Variants in RNF10 observed in about 807,000 individuals in gnomAD.
RNF10 encodes the protein E3 ubiquitin-protein ligase RNF10.
RNF10 carries 38 observed loss-of-function variants against 91.4 expected under a neutral mutation model. The ratio of observed to expected loss-of-function variants is 0.42; its 90% CI spans 0.32 to 0.54. The LOEUF (loss-of-function observed/expected upper bound fraction) is 0.54. Among genes scored for constraint, RNF10 ranks in the 20% least tolerant of loss-of-function variants. The pLI is 0.16. For synonymous variants in RNF10, 364 were observed against 366.3 expected, an observed-to-expected ratio of 0.99 and a Z score of 0.07; for missense variants, 945 against 1,012.0, an observed-to-expected ratio of 0.93 and a Z score of 0.90.
intron 13 of RNF10, among the ~76,000 whole-genome samples, chr12:120,568,302 C>G (rs1876085733): frequency 6.6e-6 from 1 of 151,996 alleles, no homozygotes; most frequent in Non-Finnish European, 1.5e-5. Context: ...GTGTTACATT[C>G]TAAGGAATGA....
At position 120,552,708 on chromosome 12, in the gene RNF10, G is replaced by A; in HGVS notation, c.554+10G>A. 1 of 1,612,250 alleles carries A rather than the reference G, an allele frequency of 6.2e-7. No individual in the cohort carries two copies. Among genetic ancestry groups the A allele is most frequent in the Non-Finnish European group, 8.5e-7 (1 of 1,179,048 alleles). On this transcript the variant is annotated intron_variant, in intron 3 of 16. Transcript: ENST00000325954. ...TCTTTTTACAGGCCAAGTGAGTATT[G>A]CTACCCCTCAGAGGAAAGGGAAAGT... is the stretch of plus-strand genomic sequence containing the variant.
chr12:120,546,527 A>C lies in RNF10; in HGVS notation c.280A>C (p.Lys94Gln). 4 of 1,614,238 alleles carry C rather than the reference A, an allele frequency of 2.5e-6. No homozygotes were observed. The highest frequency in any genetic ancestry group is 3.4e-6 in the Non-Finnish European group (4 of 1,180,038). The change falls in exon 2 of 17, where the codon AAG becomes CAG. Residue 94 changes from lysine (K) to glutamine (Q), a missense_variant. Physicochemically the swap from Lys to Gln is moderately conservative, Grantham distance 53. Coordinates refer to ENST00000325954, the MANE Select transcript of RNF10 (RefSeq NM_014868.5). ...TTCACAGAAAAGCAAGACTTTTAAC[A>C]AGATGCCTCCTCAAAGGGGCGGCGG... ...SSSQKSKTFNKMPPQRGGGSS... is the reference protein window; with the variant it reads ...SSSQKSKTFNQMPPQRGGGSS...
In RNF10 at chr12:120,563,558, A is replaced by G. The variant is rs745943960; in HGVS notation, c.1466A>G (p.Gln489Arg). The G allele has an allele frequency of 1.7e-5, 27 of 1,613,852 alleles. No homozygotes were observed. Among genetic ancestry groups the G allele is most frequent in the African/African-American group, 2.7e-5 (2 of 74,916 alleles). The change falls in exon 9 of 17, where the codon CAG becomes CGG. Residue 489 changes from glutamine (Q) to arginine (R), a missense_variant. By Grantham distance (43) the Gln-to-Arg change is conservative. Transcript: ENST00000325954. Reference sequence around the variant, plus strand: ...ACCATTTGCACTGAGTCCAGCCAGCAGGAACCCATCACCAAGTCAGGCTTC... The same window carrying G: ...ACCATTTGCACTGAGTCCAGCCAGCGGGAACCCATCACCAAGTCAGGCTTC... ...EGTICTESSQ[Q>R]EPITKSGFTR...
Position 120,554,716 on chromosome 12 carries a change from A to G in RNF10, c.555-2A>G. The G allele has an allele frequency of 5.6e-6, 9 of 1,612,122 alleles. No homozygotes were observed. Among genetic ancestry groups the G allele is most frequent in the Non-Finnish European group, 7.6e-6 (9 of 1,178,334 alleles). On this transcript the variant is annotated splice_acceptor_variant, in intron 3 of 16. Transcript: ENST00000325954. LOFTEE classifies it high-confidence loss of function. ...GCTTTTTCCTGTCTTTCCTATTTCT[A>G]GCTGCCAATTTGTGGTGTCTGAAGA... is the stretch of plus-strand genomic sequence containing the variant.
intron 13 of RNF10, among the ~76,000 whole-genome samples, chr12:120,568,662 G>A (rs1261482273): frequency 6.6e-6 from 1 of 151,938 alleles, no homozygotes; most frequent in Non-Finnish European, 1.5e-5. Flanking sequence ...TTTTAATAGA[G>A]ACAGGGTCTC....
At chr12:120,542,430 C>T (rs781174798) in intron 1 of RNF10, among the ~76,000 whole-genome samples, 30 of 152,016 alleles carry the variant, frequency 2.0e-4, no homozygotes, top group Admixed American at 2.6e-4. Context: ...TTGAGACAAC[C>T]GGCATGAGCC....
intron 4 of RNF10, among the ~76,000 whole-genome samples, chr12:120,555,664 G>A (rs1163105514): frequency 6.7e-6 from 1 of 149,900 alleles, no homozygotes; most frequent in Non-Finnish European, 1.5e-5. Flanking sequence ...ATTTTTTTTT[G>A]TATTTTTTTT....
intron 3 of RNF10, among the ~76,000 whole-genome samples, chr12:120,553,301 G>A (rs1873439810): frequency 1.3e-5 from 2 of 150,590 alleles, no homozygotes. Context: ...TATTGGCCAG[G>A]CTGGTCTCAA....
At chr12:120,576,028 C>T in intron 16 of RNF10, 78 bp downstream of exon 16, 1 of 1,424,366 alleles carries the variant, frequency 7.0e-7, no homozygotes. Flanking sequence ...GATTCAGTGG[C>T]AGACATCACT....
At position 120,571,207 on chromosome 12, in the gene RNF10, T is replaced by A. The variant is rs754051396; in HGVS notation, c.2058T>A (p.Pro686=). The change falls in exon 14 of 17, where the codon CCT becomes CCA. Residue 686 remains proline (P), a synonymous_variant. Transcript: ENST00000325954. Reference sequence around the variant, plus strand: ...CCCTTTCAGACTTTCTGCTGACCCCTCTGTCACCCACTGCCAGTCAGGGCA... The same window carrying A: ...CCCTTTCAGACTTTCTGCTGACCCCACTGTCACCCACTGCCAGTCAGGGCA... The part of the protein sequence containing the change: ...PGSHADFLLT[P]LSPTASQGSP... 19 of 1,613,740 alleles carry A rather than the reference T, an allele frequency of 1.2e-5. 1 individual carries two copies. In the South Asian group the frequency reaches 2.0e-4, roughly 17 times the overall value.
intron 1 of RNF10, among the ~76,000 whole-genome samples, chr12:120,543,760 A>G (rs865854356): frequency 1.3e-5 from 2 of 152,274 alleles, no homozygotes; most frequent in Middle Eastern, 6.8e-3. Context: ...AGATCATGCC[A>G]CTGCACTCCA....
chr12:120,534,766 C>A lies in RNF10; in HGVS notation c.-46C>A. On this transcript the variant is annotated 5_prime_UTR_variant, in exon 1 of 17. Coordinates refer to ENST00000325954, the MANE Select transcript of RNF10 (RefSeq NM_014868.5). ...GAACGCCATGAGCCTGGGTCCCCGCCGCGCCCGCTCCGCTCCGACTGCCGT... is the reference window on the plus strand; with the variant it reads ...GAACGCCATGAGCCTGGGTCCCCGCAGCGCCCGCTCCGCTCCGACTGCCGT... The A allele has an allele frequency of 2.0e-6, 3 of 1,521,018 alleles. No homozygotes were observed. The highest frequency in any genetic ancestry group is 2.6e-6 in the Non-Finnish European group (3 of 1,141,996). 94.2% of individuals were successfully genotyped at this position (1,521,018 alleles called of 1,614,324 possible).
rs1165769958 is a variant in RNF10, at chr12:120,575,913, G to A, written c.2322G>A (p.Met774Ile). ...SFSQAIEAAF[M>I]KLDTPATSDP... The stretch of plus-strand genomic sequence containing the variant: ...GCCAAGCTATTGAAGCAGCCTTCAT[G>A]AAACTGGACACACCAGCTACTTCAG... Residue 774 changes from methionine to isoleucine, a missense_variant, in exon 16 of 17, where the codon ATG (methionine) becomes ATA (isoleucine). Transcript: ENST00000325954. The A allele has an allele frequency of 3.1e-6, 5 of 1,614,088 alleles. No individual in the cohort carries two copies. Among genetic ancestry groups the A allele is most frequent in the Non-Finnish European group, 4.2e-6 (5 of 1,180,032 alleles).
chr12:120,541,327 C>A (rs1276622132), intron 1 of RNF10, among the ~76,000 whole-genome samples: 2 of 152,122 alleles, frequency 1.3e-5, no homozygotes, highest in Admixed American at 1.3e-4. Context: ...TCTTTATATA[C>A]CTATCCTCGT....
intron 4 of RNF10, among the ~76,000 whole-genome samples, chr12:120,556,629 A>AT (rs1874068451): frequency 7.0e-6 from 1 of 142,026 alleles, no homozygotes; most frequent in South Asian, 2.3e-4. Context: ...CTTAAGTTTT[A>AT]TTAAAAAAAA....
rs1877308204 is a variant in RNF10 at position 120,575,775 on chromosome 12, A to G, written c.2201-17A>G. The G allele has an allele frequency of 6.2e-7, 1 of 1,614,004 alleles. No individual in the cohort carries two copies. Among genetic ancestry groups the G allele is most frequent in the African/African-American group, 1.3e-5 (1 of 74,914 alleles). Reference sequence around the variant, plus strand: ...AAAAAGAGTTGTTTCTATAGTTTTAACACTGGTATTTTTTAGATGAGAACA... The same window carrying G: ...AAAAAGAGTTGTTTCTATAGTTTTAGCACTGGTATTTTTTAGATGAGAACA... On this transcript the variant is annotated splice_polypyrimidine_tract_variant and intron_variant, in intron 15 of 16. Transcript: ENST00000325954.
At chr12:120,574,926 T>C in intron 14 of RNF10, 1 of 159,068 alleles carries the variant, frequency 6.3e-6, no homozygotes, top group Non-Finnish European at 1.2e-5. Flanking sequence ...AAACTCCATC[T>C]CGAACAAAAC....
At chr12:120,543,458 G>A (rs370510889) in intron 1 of RNF10, among the ~76,000 whole-genome samples, 4 of 152,100 alleles carry the variant, frequency 2.6e-5, no homozygotes, top group African/African-American at 9.6e-5. Context: ...GAGCCCAGGA[G>A]TTTGAGACCA....
rs533356595 is a variant in RNF10, at chr12:120,576,697, GGTTTTT to G, written c.*44_*49del. ...CTGGCCCAGGCTACCTTCTCCATCT[GGTTTTT>G]GTTTTTGTTTTTTTTTCCCCCATGC... On this transcript the variant is annotated 3_prime_UTR_variant, in exon 17 of 17. Coordinates refer to ENST00000325954, the MANE Select transcript of RNF10 (RefSeq NM_014868.5). 3.1e-4 allele frequency: 488 copies of G among 1,587,982 alleles called. No homozygotes were observed. The highest frequency in any genetic ancestry group is 1.1e-4 in the Non-Finnish European group (128 of 1,172,440).
Sources: allele counts gnomAD v4.1 joint callset (sites outside exome capture counted in the v4.1 genomes callset), GRCh38; gene constraint gnomAD v4.1.1; transcripts MANE v1.5; gene names NCBI Gene and HGNC (gene_info 2026-07-23, HGNC 2026-07-21).